C6: variants seen among roughly 807,000 people sequenced by gnomAD.
C6 encodes the protein complement component C6.
Under a neutral mutation model 112.9 loss-of-function variants are expected in C6, and 101 were observed. That is an observed-to-expected ratio of 0.89 (90% confidence interval 0.76 to 1.06). C6 has a LOEUF of 1.06. Among genes scored for constraint, C6 ranks in the 50% least tolerant of loss-of-function variants. The pLI is 0.00. For missense variants in C6, 1,202 were observed against 1,104.6 expected (o/e 1.09, Z -1.25); for synonymous variants, 431 against 384.1 (o/e 1.12, Z -1.43).
chr5:41,172,180 G>A (rs1193036175), intron 9 of C6, 45 bp downstream of exon 9: 1 of 1,607,188 alleles, frequency 6.2e-7, no homozygotes, highest in Non-Finnish European at 8.5e-7. Context: ...ATGACAGCCA[G>A]GCTCAGGGCA....
intron 1 of C6, among the ~76,000 whole-genome samples, chr5:41,227,972 G>A (rs11959800): frequency 0.01 from 1,531 of 152,160 alleles, 33 homozygotes; most frequent in African/African-American, 0.035. Context: ...TTCCTTACAA[G>A]TTTTAGGATT....
At chr5:41,221,713 A>T (rs1193674440) in intron 1 of C6, among the ~76,000 whole-genome samples, 1 of 152,246 alleles carries the variant, frequency 6.6e-6, no homozygotes, top group African/African-American at 2.4e-5. Context: ...TGGAATAATT[A>T]TTCAATAGTT....
intron 1 of C6, among the ~76,000 whole-genome samples, chr5:41,225,058 A>G (rs1368799824): frequency 6.6e-6 from 1 of 152,046 alleles, no homozygotes; most frequent in Non-Finnish European, 1.5e-5. Flanking sequence ...GTCTATTCAA[A>G]TCCTTTAGCC....
intron 1 of C6, among the ~76,000 whole-genome samples, chr5:41,225,553 C>T (rs1479086154): frequency 6.6e-6 from 1 of 152,180 alleles, no homozygotes; most frequent in Non-Finnish European, 1.5e-5. Context: ...TTTATAGCAG[C>T]ATGATTTATA....
At chr5:41,147,091 C>T (rs147944078) in intron 17 of C6, among the ~76,000 whole-genome samples, 1 of 152,044 alleles carries the variant, frequency 6.6e-6, no homozygotes, top group Non-Finnish European at 1.5e-5. Flanking sequence ...TTTATTTTCT[C>T]TATGTATTTT....
At chr5:41,177,784 C>T (rs189962183) in intron 7 of C6, among the ~76,000 whole-genome samples, 6 of 152,274 alleles carry the variant, frequency 3.9e-5, no homozygotes, top group Admixed American at 3.3e-4. Context: ...TCATTGCCTA[C>T]CTATCTGAGA....
chr5:41,226,221 A>G (rs549890787), intron 1 of C6, among the ~76,000 whole-genome samples: 1 of 152,112 alleles, frequency 6.6e-6, no homozygotes, highest in Non-Finnish European at 1.5e-5. Context: ...AGGGCTAATA[A>G]CCAGAATCTA....
chr5:41,225,938 T>C (rs959968895), intron 1 of C6, among the ~76,000 whole-genome samples: 12 of 152,140 alleles, frequency 7.9e-5, no homozygotes, highest in African/African-American at 1.2e-4. Context: ...TTACACCTTA[T>C]ACAAAAATTA....
chr5:41,210,844 C>T (rs1314391226), intron 1 of C6, among the ~76,000 whole-genome samples: 1 of 152,152 alleles, frequency 6.6e-6, no homozygotes, highest in Non-Finnish European at 1.5e-5. Flanking sequence ...CCTCCAGGAT[C>T]TAGAACTAGA....
chr5:41,144,267 G>A (rs116305971), intron 17 of C6, among the ~76,000 whole-genome samples: 3,754 of 151,980 alleles, frequency 0.025, 46 homozygotes, highest in Non-Finnish European at 0.025. Flanking sequence ...TCTTTTGATC[G>A]TTTCTTTTCT....
chr5:41,149,947 T>C lies in C6; in HGVS notation c.2369A>G (p.Glu790Gly). 4 of 1,610,918 alleles carry C rather than the reference T, an allele frequency of 2.5e-6. No homozygotes were observed. Among genetic ancestry groups the C allele is most frequent in the Non-Finnish European group, 3.4e-6 (4 of 1,177,148 alleles). ...SGSECICMSP[E>G]EDCSHHSEDL... Reference sequence around the variant, plus strand: ...GGGTATCTCTTACCTACAGTCTTCTTCTGGAGACATACAAATGCATTCAGA... The same window carrying C: ...GGGTATCTCTTACCTACAGTCTTCTCCTGGAGACATACAAATGCATTCAGA... The change falls in exon 16 of 18, where the codon GAA (glutamate) becomes GGA (glycine). Residue 790 changes from glutamate to glycine, a missense_variant. Coordinates refer to ENST00000337836, the MANE Select transcript of C6 (RefSeq NM_000065.5).
At chr5:41,251,211 A>C (rs928271881) in intron 1 of C6, among the ~76,000 whole-genome samples, 2 of 152,320 alleles carry the variant, frequency 1.3e-5, no homozygotes, top group African/African-American at 2.4e-5. Context: ...CAAGTTCTTA[A>C]ATAAATTGAC....
chr5:41,178,857 A>G (rs1384331869), intron 7 of C6, among the ~76,000 whole-genome samples: 1 of 148,432 alleles, frequency 6.7e-6, no homozygotes, highest in Non-Finnish European at 1.5e-5. Context: ...GAACTATATG[A>G]AGCTAACAAT....
intron 1 of C6, among the ~76,000 whole-genome samples, chr5:41,203,946 A>G (rs1751226866): frequency 6.6e-6 from 1 of 152,182 alleles, no homozygotes; most frequent in African/African-American, 2.4e-5. Context: ...GTGTTACTGC[A>G]GTATCAAGAT....
At chr5:41,254,001 A>C (rs1014270906) in intron 1 of C6, among the ~76,000 whole-genome samples, 4 of 152,250 alleles carry the variant, frequency 2.6e-5, no homozygotes, top group Admixed American at 6.5e-5. Context: ...CAAATTTCAC[A>C]CAGTTGGCCT....
At chr5:41,164,136 G>A (rs1361071000) in intron 9 of C6, among the ~76,000 whole-genome samples, 1 of 149,690 alleles carries the variant, frequency 6.7e-6, no homozygotes, top group East Asian at 2.1e-4. Flanking sequence ...GGGAGAGAGG[G>A]AGGGAAAATG....
At chr5:41,229,786 A>G (rs1412631736) in intron 1 of C6, among the ~76,000 whole-genome samples, 1 of 152,078 alleles carries the variant, frequency 6.6e-6, no homozygotes, top group African/African-American at 2.4e-5. Context: ...TTAAAGTTCA[A>G]TACTATTGTT....
At position 41,142,132 on chromosome 5, in the gene C6, G is replaced by A. The variant is rs968243724; in HGVS notation, c.*693C>T. 6.6e-6 allele frequency: 1 copy of A among 152,356 alleles called. No homozygotes were observed. The highest frequency in any genetic ancestry group is 1.5e-5 in the Non-Finnish European group (1 of 68,196). The allele number at this position is 152,356 out of a possible 1,614,324, so 9.4% of individuals were successfully genotyped here. A position where few individuals can be genotyped will look rare whatever the true frequency, so the allele number is the denominator to read the frequency against. On this transcript the variant is annotated 3_prime_UTR_variant, in exon 18 of 18. Transcript: ENST00000337836. ...GGAGCTCAATCATCCTTACAGCGATGTTTATTGTTATGGAATATTTCCTTG... is the reference window on the plus strand; with the variant it reads ...GGAGCTCAATCATCCTTACAGCGATATTTATTGTTATGGAATATTTCCTTG...
chr5:41,149,110 T>C lies in C6; in HGVS notation c.2623+131A>G, dbSNP rs375232307. ...ATAATTTTCCTTTCTGTTTAAATCA[T>C]TTTATGAATTTTTTTTACAATGAAA... On this transcript the variant is annotated intron_variant, in intron 17 of 17. Coordinates refer to ENST00000337836, the MANE Select transcript of C6 (RefSeq NM_000065.5). 2,092 of 1,184,062 alleles carry C rather than the reference T, an allele frequency of 1.8e-3. 42 individuals are homozygous for C. In the South Asian group the frequency reaches 0.025, roughly 14 times the overall value. 73.3% of individuals were successfully genotyped at this position (1,184,062 alleles called of 1,614,324 possible). A position where few individuals can be genotyped will look rare whatever the true frequency, so the allele number is the denominator to read the frequency against.
Sources: gnomAD v4.1 joint callset for allele counts (sites outside exome capture counted in the v4.1 genomes callset) on GRCh38, gnomAD v4.1.1 for gene constraint, MANE v1.5 for transcripts, NCBI Gene and HGNC (gene_info 2026-07-23, HGNC 2026-07-21) for gene names.